The following PCDHGB6 variants were observed in gnomAD, a reference collection of about 807,000 sequenced individuals.
PCDHGB6 encodes the protein protocadherin gamma subfamily B, 6.
PCDHGB6 carries 51 observed loss-of-function variants against 59.1 expected under a neutral mutation model. The observed-to-expected ratio is 0.86, with a 90% CI of 0.69 to 1.09. The LOEUF (loss-of-function observed/expected upper bound fraction) is 1.09. Among genes scored for constraint, PCDHGB6 ranks in the 50% least tolerant of loss-of-function variants. The pLI is 0.00. For missense variants in PCDHGB6, 1,148 were observed against 1,205.1 expected (o/e 0.95, Z 0.70); for synonymous variants, 466 against 495.1 (o/e 0.94, Z 0.78).
chr5:141,475,708 C>G (rs2099367415), intron 1 of PCDHGB6, among the ~76,000 whole-genome samples: 1 of 152,238 alleles, frequency 6.6e-6, no homozygotes, highest in African/African-American at 2.4e-5. Flanking sequence ...AACGGCTAGC[C>G]TCACAGCCCC....
chr5:141,470,870 G>GT (rs1230952624), intron 1 of PCDHGB6, among the ~76,000 whole-genome samples: 1 of 151,546 alleles, frequency 6.6e-6, no homozygotes, highest in Non-Finnish European at 1.5e-5. Context: ...TTGTTTGTTT[G>GT]TTTTTTTGTT....
intron 1 of PCDHGB6, among the ~76,000 whole-genome samples, chr5:141,455,130 A>G (rs1446894125): frequency 6.6e-6 from 1 of 150,872 alleles, no homozygotes; most frequent in South Asian, 2.1e-4. Flanking sequence ...GTTTTAAATT[A>G]CACTGTGTTA....
At chr5:141,418,802 T>C in intron 1 of PCDHGB6, 1 of 1,613,862 alleles carries the variant, frequency 6.2e-7, no homozygotes, top group Non-Finnish European at 8.5e-7. Flanking sequence ...AGTAGAAAGA[T>C]ATACGATAAA....
intron 1 of PCDHGB6, chr5:141,421,807 G>C (rs1435916603): frequency 6.2e-7 from 1 of 1,613,852 alleles, no homozygotes; most frequent in Admixed American, 1.7e-5. Flanking sequence ...CAAGAATCCA[G>C]AGCTAGTACT....
At position 141,489,258 on chromosome 5, in the gene PCDHGB6, C is replaced by T. The variant is rs1594800449; in HGVS notation, c.2419-5549C>T. 3.2e-6 allele frequency: 5 copies of T among 1,551,530 alleles called. No individual in the cohort carries two copies. Among genetic ancestry groups the T allele is most frequent in the African/African-American group, 1.4e-5 (1 of 73,276 alleles). On this transcript the variant is annotated intron_variant, in intron 1 of 3. Coordinates refer to ENST00000520790, the MANE Select transcript of PCDHGB6 (RefSeq NM_018926.3). This position sits in a 1 kb window ranked among gnomAD's most constrained non-coding sequence, Gnocchi z 4.5. Reference sequence around the variant, plus strand: ...TCTGGGTCATGGGGCCCAAGACACTCCCACAGCTCGCTGGGAAATGGCAAG... The same window carrying T: ...TCTGGGTCATGGGGCCCAAGACACTTCCACAGCTCGCTGGGAAATGGCAAG...
intron 3 of PCDHGB6, 44 bp downstream of exon 3, chr5:141,505,525 G>C: frequency 1.2e-6 from 2 of 1,612,490 alleles, no homozygotes; most frequent in Non-Finnish European, 1.7e-6. Flanking sequence ...GAGACCTGGG[G>C]TTCTGGGGTG....
Position 141,489,680 on chromosome 5 carries a change from C to T in PCDHGB6, c.2419-5127C>T, listed in dbSNP as rs758765306. On this transcript the variant is annotated intron_variant, in intron 1 of 3. Coordinates refer to ENST00000520790, the MANE Select transcript of PCDHGB6 (RefSeq NM_018926.3). This position sits in a 1 kb window ranked among gnomAD's most constrained non-coding sequence, Gnocchi z 4.5. ...GAGATGCGCATCTCAGAATCAGCAG[C>T]ATCTGGGGCACGATTCCCACTGGAC... 2 of 1,614,070 alleles carry T rather than the reference C, an allele frequency of 1.2e-6. No individual in the cohort carries two copies. The highest frequency in any genetic ancestry group is 2.2e-5 in the East Asian group (1 of 44,886).
intron 2 of PCDHGB6, among the ~76,000 whole-genome samples, chr5:141,504,947 A>G (rs1595930930): frequency 6.6e-6 from 1 of 152,200 alleles, no homozygotes; most frequent in Non-Finnish European, 1.5e-5. Context: ...GGAATGCACT[A>G]TGTTCAATGC....
In PCDHGB6 at chr5:141,489,515, G is replaced by A. The variant is rs983415025; in HGVS notation, c.2419-5292G>A. On this transcript the variant is annotated intron_variant, in intron 1 of 3. Coordinates refer to ENST00000520790, the MANE Select transcript of PCDHGB6 (RefSeq NM_018926.3). The surrounding 1 kb of genome is among the most constrained non-coding windows in gnomAD (Gnocchi z 4.5). ...CTGGCAGTGAATCAAAAGATTGACC[G>A]AGAAAGCCTATGTGGAGCCAGCACC... 2 of 1,614,104 alleles carry A rather than the reference G, an allele frequency of 1.2e-6. No homozygotes were observed. Among genetic ancestry groups the A allele is most frequent in the Non-Finnish European group, 8.5e-7 (1 of 1,180,034 alleles).
chr5:141,449,095 T>C (rs2098628347), intron 1 of PCDHGB6, among the ~76,000 whole-genome samples: 1 of 152,204 alleles, frequency 6.6e-6, no homozygotes. Flanking sequence ...AGTTTTTACA[T>C]ATGCAGTATA....
intron 1 of PCDHGB6, chr5:141,427,712 C>A: frequency 9.5e-7 from 1 of 1,051,464 alleles, no homozygotes; most frequent in Non-Finnish European, 1.4e-6. Context: ...GCGCCTCTGA[C>A]CTGGACCTAG....
At chr5:141,484,943 C>T (rs542244720) in intron 1 of PCDHGB6, 14 of 546,098 alleles carry the variant, frequency 2.6e-5, no homozygotes, top group African/African-American at 2.3e-4. Flanking sequence ...GTTCTCTGCT[C>T]AGCCTATTGG....
chr5:141,460,172 G>T (rs545017378), intron 1 of PCDHGB6, among the ~76,000 whole-genome samples: 1 of 151,852 alleles, frequency 6.6e-6, no homozygotes, highest in South Asian at 2.1e-4. Flanking sequence ...ATATTTTGTG[G>T]ATATTTTATC....
chr5:141,428,304 G>C, intron 1 of PCDHGB6: 1 of 695,706 alleles, frequency 1.4e-6, no homozygotes, highest in South Asian at 1.6e-5. Flanking sequence ...AGATTTACCT[G>C]GTCGTGGCCT....
chr5:141,408,907 C>T lies in PCDHGB6; in HGVS notation c.705C>T (p.Thr235=). 1 of 1,613,244 alleles carries T rather than the reference C, an allele frequency of 6.2e-7. No individual in the cohort carries two copies. The highest frequency in any genetic ancestry group is 2.2e-5 in the East Asian group (1 of 44,848). The change falls in exon 1 of 4, where the codon ACC becomes ACT. Residue 235 remains threonine, a synonymous_variant. Coordinates refer to ENST00000520790, the MANE Select transcript of PCDHGB6 (RefSeq NM_018926.3). ...TAHIEISVKD[T]NDNPPVFSRD... The stretch of plus-strand genomic sequence containing the variant: ...ACATAGAAATTTCTGTCAAGGATAC[C>T]AATGATAACCCCCCGGTTTTCAGCA...
At position 141,431,203 on chromosome 5, in the gene PCDHGB6, T is replaced by C. The variant is rs139061906; in HGVS notation, c.2418+20583T>C. On this transcript the variant is annotated intron_variant, in intron 1 of 3. Coordinates refer to ENST00000520790, the MANE Select transcript of PCDHGB6 (RefSeq NM_018926.3). This position sits in a 1 kb window ranked among gnomAD's most constrained non-coding sequence, Gnocchi z 4.8. ...TAAAAATTAGTGAAAATGCAGCCACTGAGATGCGGTTCCCTCTACCCCACG... is the reference window on the plus strand; with the variant it reads ...TAAAAATTAGTGAAAATGCAGCCACCGAGATGCGGTTCCCTCTACCCCACG... The C allele has an allele frequency of 3.1e-6, 5 of 1,614,116 alleles. No individual in the cohort carries two copies. The highest frequency in any genetic ancestry group is 1.1e-5 in the South Asian group (1 of 91,090).
chr5:141,423,004 G>T lies in PCDHGB6; in HGVS notation c.2418+12384G>T, dbSNP rs1206727312. 2 of 1,614,116 alleles carry T rather than the reference G, an allele frequency of 1.2e-6. No individual in the cohort carries two copies. Among genetic ancestry groups the T allele is most frequent in the African/African-American group, 1.3e-5 (1 of 74,958 alleles). ...ACCTGGCTACCTGGTGACCAAGGTG[G>T]TTGCGGTGGACAAAGATTCAGGCCA... On this transcript the variant is annotated intron_variant, in intron 1 of 3. Transcript: ENST00000520790.
At position 141,512,348 on chromosome 5, in the gene PCDHGB6, G is replaced by C. The variant is rs1172891268; in HGVS notation, c.*1175G>C. 4 of 152,886 alleles carry C rather than the reference G, an allele frequency of 2.6e-5. No homozygotes were observed. The highest frequency in any genetic ancestry group is 9.6e-5 in the African/African-American group (4 of 41,462). The allele number at this position is 152,886 out of a possible 1,614,324, so 9.5% of individuals were successfully genotyped here. A position where few individuals can be genotyped will look rare whatever the true frequency, so the allele number is the denominator to read the frequency against. ...GGCCATTCTTAGTCCCTGGGTTGGG[G>C]AGGCAGGGAGCTAGGGCAGGGACCA... On this transcript the variant is annotated 3_prime_UTR_variant, in exon 4 of 4. Transcript: ENST00000520790.
intron 1 of PCDHGB6, among the ~76,000 whole-genome samples, chr5:141,447,954 CGGACACCTA>C (rs2098556369): frequency 6.6e-6 from 1 of 151,814 alleles, no homozygotes; most frequent in Non-Finnish European, 1.5e-5. Context: ...GGCATGGTGG[CGGACACCTA>C]TAATCCCAGC....
Sources: gnomAD v4.1 joint callset for allele counts (sites outside exome capture counted in the v4.1 genomes callset) on GRCh38, gnomAD v4.1.1 for gene constraint, Gnocchi (gnomAD v3.1) non-coding constraint, MANE v1.5 for transcripts, NCBI Gene and HGNC (gene_info 2026-07-23, HGNC 2026-07-21) for gene names.